EVA1C: variants seen among roughly 807,000 people sequenced by gnomAD.
EVA1C encodes eva-1 homolog C.
EVA1C carries 25 observed loss-of-function variants against 45.4 expected under a neutral mutation model. The observed-to-expected ratio is 0.55, with a 90% confidence interval of 0.40 to 0.77. The LOEUF (loss-of-function observed/expected upper bound fraction) is 0.77. Among genes scored for constraint, EVA1C ranks in the 30% least tolerant of loss-of-function variants. The probability of loss-of-function intolerance (pLI) is 0.00; values close to 1 mark genes in which losing one functional copy is unlikely to be tolerated. For synonymous variants in EVA1C, 190 were observed against 221.2 expected, an observed-to-expected ratio of 0.86 and a Z score of 1.25; for missense variants, 479 against 554.8, an observed-to-expected ratio of 0.86 and a Z score of 1.37.
intron 7 of EVA1C, among the ~76,000 whole-genome samples, chr21:32,513,696 C>T (rs1029181822): frequency 1.3e-5 from 2 of 150,942 alleles, no homozygotes; most frequent in African/African-American, 4.9e-5. Context: ...ACCACCATGC[C>T]CAGATATATT....
At chr21:32,424,553 C>T (rs1367349090) in intron 1 of EVA1C, among the ~76,000 whole-genome samples, 1 of 152,212 alleles carries the variant, frequency 6.6e-6, no homozygotes, top group East Asian at 1.9e-4. Context: ...ATTTTAAACA[C>T]TTCATTCTAT....
intron 5 of EVA1C, among the ~76,000 whole-genome samples, chr21:32,495,692 T>TAAAAAAA: frequency 6.6e-6 from 1 of 152,240 alleles, no homozygotes; most frequent in Non-Finnish European, 1.5e-5. Context: ...ACGACAGCAT[T>TAAAAAAA]ACTTTGTTTT....
At chr21:32,453,616 C>T (rs2035670138) in intron 2 of EVA1C, 108 bp downstream of exon 2, 3 of 828,206 alleles carry the variant, frequency 3.6e-6, no homozygotes, top group Non-Finnish European at 5.5e-6. Context: ...CCAAGCAAAA[C>T]TGATCCATGA....
chr21:32,453,476 A>G lies in EVA1C; in HGVS notation c.325A>G (p.Ser109Gly), dbSNP rs774747539. The G allele has an allele frequency of 3.7e-6, 6 of 1,609,400 alleles. No homozygotes were observed. In the South Asian group the frequency reaches 6.6e-5, roughly 18 times the overall value. Residue 109 changes from serine to glycine, a missense_variant, in exon 2 of 8, where the codon AGC (serine) becomes GGC (glycine). By Grantham distance (56) the Ser-to-Gly change is moderately conservative (BLOSUM62 0). Transcript: ENST00000300255. ...SQKPASQRED[S>G]LTCVAATTFQ... Reference sequence around the variant, plus strand: ...GAAGCCTGCCTCCCAGAGGGAAGACAGCTTAACCTGTGTGGCAGCCACCAC... The same window carrying G: ...GAAGCCTGCCTCCCAGAGGGAAGACGGCTTAACCTGTGTGGCAGCCACCAC...
chr21:32,416,331 T>TA, intron 1 of EVA1C, among the ~76,000 whole-genome samples: 1 of 150,318 alleles, frequency 6.7e-6, no homozygotes, highest in South Asian at 2.1e-4. Flanking sequence ...CTTTTTTTTT[T>TA]TTTTTTTTTC....
intron 3 of EVA1C, among the ~76,000 whole-genome samples, chr21:32,465,228 T>G (rs1339734898): frequency 6.6e-6 from 1 of 152,214 alleles, no homozygotes; most frequent in African/African-American, 2.4e-5. Context: ...TTTGGAAAAC[T>G]CTGGCTTGAG....
chr21:32,491,734 T>C (rs1189859227), intron 4 of EVA1C, among the ~76,000 whole-genome samples: 1 of 136,630 alleles, frequency 7.3e-6, no homozygotes, highest in Non-Finnish European at 1.6e-5. Flanking sequence ...GAGAGAACCA[T>C]TTGAAGGGAA....
intron 3 of EVA1C, among the ~76,000 whole-genome samples, chr21:32,462,945 G>A (rs1376110390): frequency 6.6e-6 from 1 of 152,186 alleles, no homozygotes; most frequent in East Asian, 1.9e-4. Context: ...CAGCTCTGGA[G>A]GCTGTGAGAC....
rs2036491165 is a variant in EVA1C, at chr21:32,474,600, C to T, written c.634+6752C>T. 6.6e-6 allele frequency among the ~76,000 whole-genome samples: 1 copy of T among 152,204 alleles called. No homozygotes were observed. The highest frequency in any genetic ancestry group is 1.5e-5 in the Non-Finnish European group (1 of 68,030). Reference sequence around the variant, plus strand: ...GGTATGTGTGTGTGGTTCATCTCCCCAGGAGCTAAGCAGCTCTGCAGGGAC... The same window carrying T: ...GGTATGTGTGTGTGGTTCATCTCCCTAGGAGCTAAGCAGCTCTGCAGGGAC... On this transcript the variant is annotated intron_variant, in intron 4 of 7. Transcript: ENST00000300255. This position sits in a 1 kb window ranked among gnomAD's most constrained non-coding sequence, Gnocchi z 4.4.
chr21:32,452,176 C>A lies in EVA1C; in HGVS notation c.161-1136C>A, dbSNP rs1338363621. ...ATCCACACATCCAGGGGACACTCAC[C>A]CCGATTTTTTTCCTGGTTTATAAAG... is the stretch of plus-strand genomic sequence containing the variant. On this transcript the variant is annotated intron_variant, in intron 1 of 7. Transcript: ENST00000300255. This position sits in a 1 kb window ranked among gnomAD's most constrained non-coding sequence, Gnocchi z 4.0. The A allele has an allele frequency of 6.6e-6, 1 of 152,254 alleles. No individual in the cohort carries two copies. The highest frequency in any genetic ancestry group is 1.5e-5 in the Non-Finnish European group (1 of 68,072). The allele number at this position is 152,254 out of a possible 1,614,324, so 9.4% of individuals were successfully genotyped here.
At chr21:32,478,068 C>T (rs749675319) in intron 4 of EVA1C, among the ~76,000 whole-genome samples, 62 of 148,544 alleles carry the variant, frequency 4.2e-4, no homozygotes, top group Non-Finnish European at 7.6e-4. Flanking sequence ...GCACGAATTC[C>T]AAGAGATGAG....
chr21:32,476,948 C>CTG (rs145011943), intron 4 of EVA1C, among the ~76,000 whole-genome samples: 1,633 of 152,282 alleles, frequency 0.011, 15 homozygotes, highest in Non-Finnish European at 0.017. Context: ...AACTGAACTG[C>CTG]ATCAGGGCAG....
chr21:32,442,846 A>G (rs755105438), intron 1 of EVA1C, among the ~76,000 whole-genome samples: 56 of 152,028 alleles, frequency 3.7e-4, no homozygotes, highest in Non-Finnish European at 6.8e-4. Flanking sequence ...GGCAACGTCA[A>G]CCCTCAGGAA....
intron 1 of EVA1C, among the ~76,000 whole-genome samples, chr21:32,414,995 A>G (rs889569040): frequency 3.2e-4 from 48 of 152,240 alleles, no homozygotes; most frequent in Non-Finnish European, 2.2e-4. Context: ...GGAGAAAGAA[A>G]GATCATCTTC....
intron 4 of EVA1C, among the ~76,000 whole-genome samples, chr21:32,480,866 G>C (rs182813474): frequency 3.1e-4 from 47 of 152,050 alleles, no homozygotes; most frequent in African/African-American, 1.1e-3. Context: ...AGGAGGCTGA[G>C]GCAGGAGAAT....
At chr21:32,419,701 C>T (rs575376855) in intron 1 of EVA1C, among the ~76,000 whole-genome samples, 19 of 151,624 alleles carry the variant, frequency 1.3e-4, no homozygotes, top group Admixed American at 1.1e-3. Flanking sequence ...GGTGACAGAG[C>T]GAGTTCCTGT....
Position 32,514,829 on chromosome 21 carries a change from C to T in EVA1C, c.965C>T (p.Ala322Val). 6.4e-7 allele frequency: 1 copy of T among 1,572,796 alleles called. No individual in the cohort carries two copies. Among genetic ancestry groups the T allele is most frequent in the South Asian group, 1.2e-5 (1 of 84,922 alleles). ...FAYIRAHPER[A>V]ALLFVSSVCI... ...CCTCCTGCAGCCCACCCGGAGAGAG[C>T]TGCCCTGCTGTTCGTGTCCAGTGTC... is the stretch of plus-strand genomic sequence containing the variant. The change falls in exon 8 of 8, where the codon GCT (alanine) becomes GTT (valine). Residue 322 changes from alanine (A) to valine (V), a missense_variant. By Grantham distance (64) the Ala-to-Val change is moderately conservative (BLOSUM62 0). Coordinates refer to ENST00000300255, the MANE Select transcript of EVA1C (RefSeq NM_058187.5).
At chr21:32,507,700 ATGTGCACGTGTG>A (rs1200756596) in intron 7 of EVA1C, among the ~76,000 whole-genome samples, 1 of 143,576 alleles carries the variant, frequency 7.0e-6, no homozygotes, top group Non-Finnish European at 1.5e-5. Flanking sequence ...GTGCATGCGT[ATGTGCACGTGTG>A]TGTGCATGTG....
chr21:32,435,442 C>G (rs1020548030), intron 1 of EVA1C, among the ~76,000 whole-genome samples: 1 of 152,228 alleles, frequency 6.6e-6, no homozygotes, highest in Non-Finnish European at 1.5e-5. Context: ...TCAGCCACCA[C>G]CTGTGCTGAT....
Sources: allele counts gnomAD v4.1 joint callset (sites outside exome capture counted in the v4.1 genomes callset), GRCh38; gene constraint gnomAD v4.1.1; non-coding constraint Gnocchi (gnomAD v3.1); transcripts MANE v1.5; gene names NCBI Gene and HGNC (gene_info 2026-07-23, HGNC 2026-07-21).